COL17A1: variants seen among roughly 807,000 people sequenced by gnomAD.
The protein encoded by COL17A1 is collagen alpha-1(XVII) chain.
In COL17A1, 181 loss-of-function variants were observed where a neutral mutation model predicts 218.4. The ratio of observed to expected loss-of-function variants is 0.83; its 90% CI spans 0.73 to 0.94. The LOEUF is 0.94. Among genes scored for constraint, COL17A1 ranks in the 40% least tolerant of loss-of-function variants. The probability of loss-of-function intolerance (pLI) is 0.00; values close to 1 mark genes in which losing one functional copy is unlikely to be tolerated. For missense variants in COL17A1, 1,924 were observed against 1,945.9 expected (o/e 0.99, Z 0.21); for synonymous variants, 721 against 731.0 (o/e 0.99, Z 0.22).
At chr10:104,040,435 G>T in intron 39 of COL17A1, 25 bp from the exon 40 acceptor site, 1 of 1,527,618 alleles carries the variant, frequency 6.5e-7, no homozygotes, top group Non-Finnish European at 9.1e-7. Flanking sequence ...AATAGTTTGA[G>T]TATGGACACT....
intron 4 of COL17A1, 128 bp from the exon 5 acceptor site, chr10:104,076,557 G>T (rs2086712520): frequency 4.9e-6 from 6 of 1,220,228 alleles, no homozygotes; most frequent in South Asian, 1.2e-5. Context: ...GCTGAAAGGG[G>T]CCACCTCAGC....
chr10:104,058,300 A>G, intron 15 of COL17A1, 110 bp from the exon 16 acceptor site: 1 of 1,381,578 alleles, frequency 7.2e-7, no homozygotes, highest in Non-Finnish European at 1.0e-6. Flanking sequence ...ACTTGCTTTC[A>G]ACGACGTGCA....
In COL17A1 at chr10:104,046,553, G is replaced by A. The variant is rs149313601; in HGVS notation, c.2362+194C>T. Among the ~76,000 whole-genome samples the A allele has an allele frequency of 3.3e-5, 5 of 152,320 alleles. No individual in the cohort carries two copies. In the East Asian group the frequency reaches 5.8e-4, roughly 18 times the overall value. Reference sequence around the variant, plus strand: ...ACACAATCTAATCTCATTTCTACTCGAATGGTGTTCTAGATTGTTCTGTGC... The same window carrying A: ...ACACAATCTAATCTCATTTCTACTCAAATGGTGTTCTAGATTGTTCTGTGC... On this transcript the variant is annotated intron_variant, in intron 32 of 55. Coordinates refer to ENST00000648076, the MANE Select transcript of COL17A1 (RefSeq NM_000494.4).
rs962749341 is a variant in COL17A1 at position 104,049,485 on chromosome 10, A to G, written c.2165-14T>C. On this transcript the variant is annotated splice_polypyrimidine_tract_variant and intron_variant, in intron 28 of 55. Transcript: ENST00000648076. The stretch of plus-strand genomic sequence containing the variant: ...TGCCAGGCTCGCCTGCAAAGGACAA[A>G]GAACTAGCTGGTTGGACACTTGCAA... 2.5e-6 allele frequency: 4 copies of G among 1,614,156 alleles called. No homozygotes were observed. In the African/African-American group the frequency reaches 5.3e-5, roughly 22 times the overall value.
At chr10:104,082,363 C>G (rs1443805833) in intron 1 of COL17A1, among the ~76,000 whole-genome samples, 1 of 152,164 alleles carries the variant, frequency 6.6e-6, no homozygotes, top group African/African-American at 2.4e-5. Flanking sequence ...AACTGGACAC[C>G]TTTGCAATCC....
intron 13 of COL17A1, among the ~76,000 whole-genome samples, chr10:104,061,202 T>C (rs1240299512): frequency 6.6e-6 from 1 of 152,168 alleles, no homozygotes; most frequent in Non-Finnish European, 1.5e-5. Context: ...GGAACATTCA[T>C]GGGAATGTTC....
At chr10:104,058,081 T>C in intron 16 of COL17A1, 65 bp downstream of exon 16, 1 of 1,608,328 alleles carries the variant, frequency 6.2e-7, no homozygotes, top group Non-Finnish European at 8.5e-7. Flanking sequence ...GACCATCATC[T>C]GGTCCATTAG....
chr10:104,071,833 T>C (rs1346143612), intron 8 of COL17A1, among the ~76,000 whole-genome samples, 199 bp downstream of exon 8: 2 of 152,118 alleles, frequency 1.3e-5, no homozygotes, highest in African/African-American at 2.4e-5. Flanking sequence ...GAACCACGGT[T>C]TACTCAGCGG....
rs1395755438 is a variant in COL17A1 at position 104,080,069 on chromosome 10, AC to A, written c.52+552del. On this transcript the variant is annotated intron_variant, in intron 2 of 55. Coordinates refer to ENST00000648076, the MANE Select transcript of COL17A1 (RefSeq NM_000494.4). Reference sequence around the variant, plus strand: ...ACACATAAAAGTGAATTATTTCCTAACTAAAACTTTCAAGTCTATGGAGCCA... The same window carrying A: ...ACACATAAAAGTGAATTATTTCCTAATAAAACTTTCAAGTCTATGGAGCCA... 9.8e-5 allele frequency among the ~76,000 whole-genome samples: 15 copies of A among 152,336 alleles called. 1 individual carries two copies. In the East Asian group the frequency reaches 2.7e-3, roughly 27 times the overall value.
rs747525421 is a variant in COL17A1 at position 104,034,310 on chromosome 10, A to G, written c.3791T>C (p.Val1264Ala). Residue 1264 changes from valine (V) to alanine (A), a missense_variant, in exon 52 of 56, where the codon GTT (valine) becomes GCT (alanine). Coordinates refer to ENST00000648076, the MANE Select transcript of COL17A1 (RefSeq NM_000494.4). ...CGGCCCAGGAGGGCCTGGGGGGCCA[A>G]CAATGAAGCTGCGCACATCAGGACC... ...LTSPDVRSFI[V>A]GPPGPPGPQG... 9 of 1,569,414 alleles carry G rather than the reference A, an allele frequency of 5.7e-6. No individual in the cohort carries two copies. The Middle Eastern group carries it at 6.7e-4, about 118-fold the overall frequency.
intron 20 of COL17A1, 87 bp from the exon 21 acceptor site, chr10:104,054,205 G>T: frequency 1.4e-6 from 2 of 1,415,266 alleles, no homozygotes; most frequent in Non-Finnish European, 2.0e-6. Flanking sequence ...TTCAGGTAGG[G>T]TTGCCAAACT....
At chr10:104,081,307 A>C (rs930623828) in intron 1 of COL17A1, among the ~76,000 whole-genome samples, 2 of 152,220 alleles carry the variant, frequency 1.3e-5, no homozygotes, top group Non-Finnish European at 2.9e-5. Context: ...AGTATGAAAA[A>C]CAGTTCAAGA....
intron 8 of COL17A1, 92 bp downstream of exon 8, chr10:104,071,934 ATGCATG>A (rs2086672577): frequency 1.3e-6 from 2 of 1,550,490 alleles, no homozygotes; most frequent in Non-Finnish European, 8.9e-7. Flanking sequence ...ATGTGTGTGC[ATGCATG>A]CACACACACA....
chr10:104,036,753 G>T, intron 47 of COL17A1, 121 bp from the exon 48 acceptor site: 2 of 1,263,814 alleles, frequency 1.6e-6, no homozygotes, highest in Non-Finnish European at 2.2e-6. Flanking sequence ...GTGAGTTCTG[G>T]GTCCGCAGGA....
In COL17A1 at chr10:104,056,962, CTTT is replaced by C. The variant is rs2086534680; in HGVS notation, c.1465+10_1465+12del. 1 of 1,561,598 alleles carries C rather than the reference CTTT, an allele frequency of 6.4e-7. No individual in the cohort carries two copies. Among genetic ancestry groups the C allele is most frequent in the South Asian group, 1.2e-5 (1 of 85,806 alleles). ...CCTACCACACAGGCTGCCCTGCTGC[CTTT>C]GCCACGTACCCAGAGCAATGAGGCC... is the stretch of plus-strand genomic sequence containing the variant. On this transcript the variant is annotated intron_variant, in intron 17 of 55. Transcript: ENST00000648076.
chr10:104,034,376 G>A, intron 51 of COL17A1, 42 bp from the exon 52 acceptor site: 1 of 1,531,346 alleles, frequency 6.5e-7, no homozygotes, highest in Non-Finnish European at 8.7e-7. Context: ...TCAGATCTCG[G>A]TGGAGAGAAA....
At chr10:104,044,255 G>A (rs1206228714) in intron 33 of COL17A1, among the ~76,000 whole-genome samples, 2 of 152,172 alleles carry the variant, frequency 1.3e-5, no homozygotes, top group African/African-American at 4.8e-5. Flanking sequence ...CAGGTAGAGC[G>A]GGATTCCTAG....
chr10:104,068,033 G>A (rs1247412780), intron 9 of COL17A1, among the ~76,000 whole-genome samples: 1 of 152,116 alleles, frequency 6.6e-6, no homozygotes, highest in Non-Finnish European at 1.5e-5. Flanking sequence ...GGTGCAGGTG[G>A]GCAGTGGCTG....
chr10:104,041,622 A>G, intron 36 of COL17A1, 84 bp from the exon 37 acceptor site: 1 of 1,207,692 alleles, frequency 8.3e-7, no homozygotes, highest in Non-Finnish European at 1.2e-6. Context: ...CTGGATCTGC[A>G]GTTCCAGGCA....
Sources: gnomAD v4.1 joint callset for allele counts (sites outside exome capture counted in the v4.1 genomes callset) on GRCh38, gnomAD v4.1.1 for gene constraint, MANE v1.5 for transcripts, NCBI Gene and HGNC (gene_info 2026-07-23, HGNC 2026-07-21) for gene names.